ABLIM1: variants seen among roughly 807,000 people sequenced by gnomAD.
ABLIM1 encodes the protein actin-binding LIM protein 1.
A neutral mutation model predicts 107.0 loss-of-function variants in ABLIM1; 40 were observed. That is an observed-to-expected ratio of 0.37 (90% CI 0.29 to 0.49). The LOEUF (loss-of-function observed/expected upper bound fraction) is 0.49. ABLIM1 is among the 20% of genes least tolerant of loss of function. The pLI is 0.97. For synonymous variants in ABLIM1, 357 were observed against 357.3 expected, an observed-to-expected ratio of 1.00 and a Z score of 0.01; for missense variants, 857 against 1,008.5, an observed-to-expected ratio of 0.85 and a Z score of 2.04.
chr10:114,578,075 A>G lies in ABLIM1; in HGVS notation c.380-2476T>C, dbSNP rs367911432. 1.3e-4 allele frequency among the ~76,000 whole-genome samples: 20 copies of G among 152,056 alleles called. No homozygotes were observed. In the East Asian group the frequency reaches 3.9e-3, roughly 29 times the overall value. The stretch of plus-strand genomic sequence containing the variant: ...AATGCAGGTCACTCCTATGGGTGCC[A>G]TCTCCTCCCTCTATGATGTAAGGCC... On this transcript the variant is annotated intron_variant, in intron 2 of 22. Coordinates refer to ENST00000533213, the MANE Select transcript of ABLIM1 (RefSeq NM_002313.7).
rs2059331845 is a variant in ABLIM1 at position 114,435,999 on chromosome 10, A to G, written c.*261T>C. On this transcript the variant is annotated 3_prime_UTR_variant, in exon 23 of 23. Transcript: ENST00000533213. The stretch of plus-strand genomic sequence containing the variant: ...AAACAACGCAGCTCCTGTTGTATAC[A>G]TAAGGTAATGTGAAAAGCTCACATG... 1 of 418,348 alleles carries G rather than the reference A, an allele frequency of 2.4e-6. No individual in the cohort carries two copies. The allele number at this position is 418,348 out of a possible 1,614,324, so 25.9% of individuals were successfully genotyped here.
intron 18 of ABLIM1, 25 bp downstream of exon 18, chr10:114,441,697 A>G: frequency 6.2e-7 from 1 of 1,605,384 alleles, no homozygotes; most frequent in Non-Finnish European, 8.5e-7. Flanking sequence ...AAAGGCAGAA[A>G]CAATGAATCG....
rs143076092 is a variant in ABLIM1 at position 114,578,157 on chromosome 10, G to T, written c.380-2558C>A. Among the ~76,000 whole-genome samples the T allele has an allele frequency of 2.0e-5, 3 of 152,186 alleles. No homozygotes were observed. In the East Asian group the frequency reaches 5.8e-4, roughly 29 times the overall value. On this transcript the variant is annotated intron_variant, in intron 2 of 22. Transcript: ENST00000533213. ...ACCTCAACTATAACTTTATGCGAGG[G>T]ATGATCAAATTAATGATCTCTCTCT...
intron 1 of ABLIM1, among the ~76,000 whole-genome samples, chr10:114,741,286 C>T (rs1022806736): frequency 3.2e-5 from 4 of 123,528 alleles, no homozygotes; most frequent in Admixed American, 2.1e-4. Flanking sequence ...AGTGCAGTGG[C>T]GCCATCTCAG....
intron 1 of ABLIM1, among the ~76,000 whole-genome samples, chr10:114,669,964 G>C (rs2080181862): frequency 6.6e-6 from 1 of 152,164 alleles, no homozygotes; most frequent in African/African-American, 2.4e-5. Context: ...AAATGGTAAT[G>C]CCTAAAAATG....
intron 1 of ABLIM1, among the ~76,000 whole-genome samples, chr10:114,721,115 A>G (rs1352465641): frequency 6.6e-6 from 1 of 152,136 alleles, no homozygotes; most frequent in Non-Finnish European, 1.5e-5. Flanking sequence ...GAGGGCTGCC[A>G]CACTATTAAT....
intron 4 of ABLIM1, among the ~76,000 whole-genome samples, chr10:114,560,253 T>C (rs371117714): frequency 5.3e-4 from 81 of 152,290 alleles, no homozygotes; most frequent in African/African-American, 1.8e-3. Context: ...TAAATGCCCA[T>C]TAACAGATGA....
intron 1 of ABLIM1, among the ~76,000 whole-genome samples, chr10:114,644,306 A>AATATAT (rs1244613103): frequency 0.068 from 3,528 of 51,978 alleles, 177 homozygotes; most frequent in East Asian, 0.096. Flanking sequence ...AAAAAAAAAA[A>AATATAT]ATATATATAT....
At chr10:114,748,664 T>C (rs1237797563) in intron 1 of ABLIM1, among the ~76,000 whole-genome samples, 1 of 151,394 alleles carries the variant, frequency 6.6e-6, no homozygotes, top group African/African-American at 2.4e-5. Flanking sequence ...TTTTTCTTTT[T>C]TTTTTTTTTA....
rs544904720 is a variant in ABLIM1, at chr10:114,619,849, G to A, written c.245-17888C>T. ...GTATTTTACTCTGAATTTAACAGTT[G>A]GGTTAGTTCTTAATTGTATCAAGCA... On this transcript the variant is annotated intron_variant, in intron 1 of 22. Coordinates refer to ENST00000533213, the MANE Select transcript of ABLIM1 (RefSeq NM_002313.7). This position sits in a 1 kb window ranked among gnomAD's most constrained non-coding sequence, Gnocchi z 4.1. Among the ~76,000 whole-genome samples the A allele has an allele frequency of 7.2e-5, 11 of 152,320 alleles. No homozygotes were observed. The South Asian group carries it at 2.1e-3, about 29-fold the overall frequency.
At chr10:114,558,063 T>G (rs886577615) in intron 4 of ABLIM1, among the ~76,000 whole-genome samples, 3 of 152,102 alleles carry the variant, frequency 2.0e-5, no homozygotes, top group African/African-American at 7.2e-5. Context: ...AGCACCCTAT[T>G]AAAGCCTTCT....
At chr10:114,442,360 C>A (rs182668779) in intron 17 of ABLIM1, among the ~76,000 whole-genome samples, 15 of 152,294 alleles carry the variant, frequency 9.8e-5, no homozygotes, top group Admixed American at 9.8e-4. Context: ...ATATGGAAGC[C>A]TGATAAGCTG....
chr10:114,578,238 C>A (rs1329365093), intron 2 of ABLIM1, among the ~76,000 whole-genome samples: 1 of 152,180 alleles, frequency 6.6e-6, no homozygotes, highest in Non-Finnish European at 1.5e-5. Context: ...TGGGCACAGG[C>A]AGACCGCCAT....
At chr10:114,773,117 GGA>G in the ABLIM1 span, among the ~76,000 whole-genome samples, 794 of 151,998 alleles carry the variant, frequency 5.2e-3, 9 homozygotes, top group African/African-American at 0.018. Context: ...ATAAATAATA[GGA>G]GTCCTAAGAA....
chr10:114,435,378 T>C lies in ABLIM1; in HGVS notation c.*882A>G, dbSNP rs1466628294. On this transcript the variant is annotated 3_prime_UTR_variant, in exon 23 of 23. Coordinates refer to ENST00000533213, the MANE Select transcript of ABLIM1 (RefSeq NM_002313.7). ...TTTGCTTTTTGGTTTTTTTTGGCCA[T>C]GAATGATATGGCCCCTATGCAAAAT... The C allele has an allele frequency of 1.3e-5, 2 of 152,188 alleles. No individual in the cohort carries two copies. Among genetic ancestry groups the C allele is most frequent in the Non-Finnish European group, 2.9e-5 (2 of 68,036 alleles). 9.4% of individuals were successfully genotyped at this position (152,188 alleles called of 1,614,324 possible). A position where few individuals can be genotyped will look rare whatever the true frequency, so the allele number is the denominator to read the frequency against.
At chr10:114,753,431 G>A (rs1262556285) in intron 1 of ABLIM1, among the ~76,000 whole-genome samples, 1 of 152,184 alleles carries the variant, frequency 6.6e-6, no homozygotes, top group African/African-American at 2.4e-5. Flanking sequence ...GTGCAGCATT[G>A]TCTATAAAAA....
intron 15 of ABLIM1, among the ~76,000 whole-genome samples, chr10:114,447,134 C>T (rs540909184): frequency 2.0e-5 from 3 of 152,250 alleles, no homozygotes; most frequent in South Asian, 2.1e-4. Flanking sequence ...AAAGCTGACT[C>T]GCTAAATTTT....
chr10:114,741,366 T>C (rs955793425), intron 1 of ABLIM1, among the ~76,000 whole-genome samples: 3 of 151,488 alleles, frequency 2.0e-5, no homozygotes, highest in African/African-American at 7.3e-5. Context: ...GCTGGGACTA[T>C]GGACGCCTGC....
intron 17 of ABLIM1, among the ~76,000 whole-genome samples, chr10:114,442,337 G>A (rs931527089): frequency 2.6e-5 from 4 of 152,152 alleles, no homozygotes; most frequent in African/African-American, 9.7e-5. Flanking sequence ...CTGATACAGG[G>A]TATCTGTCAA....
Sources: gnomAD v4.1 joint callset for allele counts (sites outside exome capture counted in the v4.1 genomes callset) on GRCh38, gnomAD v4.1.1 for gene constraint, Gnocchi (gnomAD v3.1) non-coding constraint, MANE v1.5 for transcripts, NCBI Gene and HGNC (gene_info 2026-07-23, HGNC 2026-07-21) for gene names.